Variants in MBD5 observed in about 807,000 individuals in gnomAD.
The protein encoded by MBD5 is methyl-CpG binding domain protein 5, also known as methyl-CpG-binding domain protein 5.
A neutral mutation model predicts 117.3 loss-of-function variants in MBD5; 13 were observed. The observed-to-expected ratio is 0.11, with a 90% CI of 0.07 to 0.18. The LOEUF is 0.18. MBD5 is among the 10% of genes least tolerant of loss of function. MBD5 has a pLI of 1.00. For missense variants in MBD5, 1,879 were observed against 2,093.8 expected, an observed-to-expected ratio of 0.90 and a Z score of 2.00; for synonymous variants, 727 against 766.4, an observed-to-expected ratio of 0.95 and a Z score of 0.85.
intron 4 of MBD5, among the ~76,000 whole-genome samples, chr2:148,395,891 G>A (rs1414716545): frequency 6.6e-6 from 1 of 152,094 alleles, no homozygotes; most frequent in African/African-American, 2.4e-5. Flanking sequence ...ACAGGCTCCG[G>A]CAATCTCTAA....
chr2:148,481,685 T>TA (rs1328308651), intron 8 of MBD5: 1 of 152,190 alleles, frequency 6.6e-6, no homozygotes, highest in Non-Finnish European at 1.5e-5. Flanking sequence ...TCACCCTATC[T>TA]ACCTCACCCC....
intron 11 of MBD5, among the ~76,000 whole-genome samples, chr2:148,495,623 A>G (rs545902647): frequency 6.6e-6 from 1 of 152,330 alleles, no homozygotes; most frequent in South Asian, 2.1e-4. Flanking sequence ...ATTACCAAAA[A>G]AAGGTCTACA....
At chr2:148,403,418 G>A (rs1704984664) in intron 4 of MBD5, among the ~76,000 whole-genome samples, 1 of 152,082 alleles carries the variant, frequency 6.6e-6, no homozygotes, top group African/African-American at 2.4e-5. Flanking sequence ...GACCTCATGT[G>A]ATCCACCCTC....
chr2:148,363,234 A>G (rs981759082), intron 4 of MBD5, among the ~76,000 whole-genome samples: 1 of 151,868 alleles, frequency 6.6e-6, no homozygotes, highest in African/African-American at 2.4e-5. Flanking sequence ...GGAAGCTAAG[A>G]ACCTTTTCTT....
intron 1 of MBD5, among the ~76,000 whole-genome samples, chr2:148,130,346 C>T (rs1697008208): frequency 6.6e-6 from 1 of 152,090 alleles, no homozygotes; most frequent in Admixed American, 6.6e-5. Flanking sequence ...ATCTCAGATG[C>T]CCCTAGAGTA....
At chr2:148,028,976 T>A (rs1693971115) in intron 1 of MBD5, among the ~76,000 whole-genome samples, 6 of 152,122 alleles carry the variant, frequency 3.9e-5, no homozygotes, top group Admixed American at 2.6e-4. Flanking sequence ...CCATCTCTGT[T>A]CTGCTGATGG....
intron 4 of MBD5, among the ~76,000 whole-genome samples, chr2:148,362,959 A>G (rs62183971): frequency 0.054 from 8,232 of 152,230 alleles, 289 homozygotes; most frequent in African/African-American, 0.088. Flanking sequence ...CAAAAAGGAA[A>G]TCCATTCAGA....
intron 1 of MBD5, among the ~76,000 whole-genome samples, chr2:148,125,310 T>C (rs1696863748): frequency 6.6e-6 from 1 of 152,148 alleles, no homozygotes; most frequent in Admixed American, 6.5e-5. Flanking sequence ...TTTTAGCTTT[T>C]TACTATTACC....
At chr2:148,249,506 CCACA>C (rs1287320530) in intron 3 of MBD5, among the ~76,000 whole-genome samples, 2 of 152,096 alleles carry the variant, frequency 1.3e-5, no homozygotes, top group Admixed American at 6.6e-5. Flanking sequence ...TTCTCTACCC[CCACA>C]CAATTTTATT....
chr2:148,436,153 G>T (rs1706151722), intron 4 of MBD5, among the ~76,000 whole-genome samples: 1 of 152,180 alleles, frequency 6.6e-6, no homozygotes, highest in Non-Finnish European at 1.5e-5. Context: ...TAGCTTATCT[G>T]TGTAGGAATT....
chr2:148,463,712 T>C, intron 6 of MBD5, 27 bp from the exon 7 acceptor site: 1 of 1,612,694 alleles, frequency 6.2e-7, no homozygotes, highest in African/African-American at 1.3e-5. Flanking sequence ...ACAGACATAT[T>C]CTAAACAAAG....
intron 4 of MBD5, among the ~76,000 whole-genome samples, chr2:148,427,474 T>G (rs994836048): frequency 4.6e-5 from 7 of 152,006 alleles, no homozygotes; most frequent in Non-Finnish European, 7.4e-5. Flanking sequence ...AAATGATGAG[T>G]TCATGTCCTT....
intron 3 of MBD5, among the ~76,000 whole-genome samples, chr2:148,310,177 A>T (rs1272464281): frequency 2.0e-5 from 3 of 152,180 alleles, no homozygotes; most frequent in Non-Finnish European, 4.4e-5. Context: ...GTTATGAAGG[A>T]GTCCCTCCTT....
At chr2:148,156,155 A>G (rs751048394) in intron 1 of MBD5, among the ~76,000 whole-genome samples, 52 of 152,256 alleles carry the variant, frequency 3.4e-4, no homozygotes, top group Admixed American at 9.2e-4. Flanking sequence ...GATTTGGTTG[A>G]CCAAAACGAT....
chr2:148,021,159 CT>C lies in MBD5; in HGVS notation c.-1446del. 1 of 157,960 alleles carries C rather than the reference CT, an allele frequency of 6.3e-6. No individual in the cohort carries two copies. The highest frequency in any genetic ancestry group is 1.4e-5 in the Non-Finnish European group (1 of 70,792). 9.8% of individuals were successfully genotyped at this position (157,960 alleles called of 1,614,324 possible). A position where few individuals can be genotyped will look rare whatever the true frequency, so the allele number is the denominator to read the frequency against. ...AGAGGCAGTGGCAGAGGGGGGGCAC[CT>C]TTTATTTCTATTTTTAAAGGGACAG... is the stretch of plus-strand genomic sequence containing the variant. On this transcript the variant is annotated 5_prime_UTR_variant, in exon 1 of 14. The change creates a premature stop within an existing upstream ORF in the 5' untranslated region. Transcript: ENST00000642680.
intron 2 of MBD5, among the ~76,000 whole-genome samples, chr2:148,199,223 T>C (rs1382546704): frequency 6.6e-6 from 1 of 152,144 alleles, no homozygotes; most frequent in Non-Finnish European, 1.5e-5. Flanking sequence ...TCATTCAGAT[T>C]GTGGAAGATA....
rs540235413 is a variant in MBD5, at chr2:148,254,780, A to G, written c.-680+21385A>G. Among the ~76,000 whole-genome samples the G allele has an allele frequency of 7.9e-5, 12 of 152,280 alleles. No individual in the cohort carries two copies. In the South Asian group the frequency reaches 2.5e-3, roughly 32 times the overall value. On this transcript the variant is annotated intron_variant, in intron 3 of 13. Coordinates refer to ENST00000642680, the MANE Select transcript of MBD5 (RefSeq NM_001378120.1). ...ACAGGCTGCGATGGGTATCCATCCC[A>G]CACAGTGGTGTTACCACAGTGTTGC...
intron 1 of MBD5, among the ~76,000 whole-genome samples, chr2:148,032,349 G>T (rs1412002526): frequency 6.6e-6 from 1 of 152,106 alleles, no homozygotes; most frequent in Non-Finnish European, 1.5e-5. Flanking sequence ...AGAGAGGTAC[G>T]TAATATGAGG....
chr2:148,067,715 C>T (rs1695242295), intron 1 of MBD5, among the ~76,000 whole-genome samples: 1 of 152,218 alleles, frequency 6.6e-6, no homozygotes, highest in Non-Finnish European at 1.5e-5. Flanking sequence ...TCACCCTACC[C>T]TCAGCCCCAT....
Sources: allele counts gnomAD v4.1 joint callset (sites outside exome capture counted in the v4.1 genomes callset), GRCh38; gene constraint gnomAD v4.1.1; transcripts MANE v1.5; gene names NCBI Gene and HGNC (gene_info 2026-07-23, HGNC 2026-07-21).